The following SLC4A5 variants were observed in gnomAD, a reference collection of about 807,000 sequenced individuals.
SLC4A5 encodes solute carrier family 4 member 5.
A neutral mutation model predicts 120.4 loss-of-function variants in SLC4A5; 96 were observed. That is an observed-to-expected ratio of 0.80 (90% CI 0.68 to 0.94). SLC4A5 has a LOEUF of 0.94. Among genes scored for constraint, SLC4A5 ranks in the 40% least tolerant of loss-of-function variants. SLC4A5 has a pLI of 0.00. For missense variants in SLC4A5, 1,259 were observed against 1,459.5 expected (o/e 0.86, Z 2.24); for synonymous variants, 550 against 571.1 (o/e 0.96, Z 0.53).
intron 25 of SLC4A5, among the ~76,000 whole-genome samples, chr2:74,230,765 A>T (rs1670050215): frequency 6.6e-6 from 1 of 152,128 alleles, no homozygotes; most frequent in Non-Finnish European, 1.5e-5. Context: ...GTGTGGAAAC[A>T]TTGCTTTGGC....
At position 74,227,498 on chromosome 2, in the gene SLC4A5, G is replaced by A. The variant is rs202011869; in HGVS notation, c.2916+312C>T. On this transcript the variant is annotated intron_variant, in intron 26 of 30. Coordinates refer to ENST00000394019, the Ensembl canonical transcript of SLC4A5. The stretch of plus-strand genomic sequence containing the variant: ...ATAGCTGCCTTAGGGAAGAGAGAGA[G>A]GTACAGTGAAATGCTCACTGGAGTC... 139 of 1,607,802 alleles carry A rather than the reference G, an allele frequency of 8.6e-5. 2 individuals carry two copies. The African/African-American group carries it at 1.5e-3, about 18-fold the overall frequency.
Position 74,335,241 on chromosome 2 carries a change from G to A in SLC4A5, c.-220-1064C>T, listed in dbSNP as rs1426422730. On this transcript the variant is annotated intron_variant, in intron 3 of 30. Coordinates refer to ENST00000394019, the Ensembl canonical transcript of SLC4A5. ...AAGAATGAGACATTGCTGGATGACA[G>A]TCTCTCTACTTAAGCAAGCTAGAGC... Among the ~76,000 whole-genome samples the A allele has an allele frequency of 2.0e-5, 3 of 152,338 alleles. No homozygotes were observed. The East Asian group carries it at 5.8e-4, about 29-fold the overall frequency.
At chr2:74,331,227 A>C (rs1267146530) in intron 4 of SLC4A5, among the ~76,000 whole-genome samples, 1 of 141,054 alleles carries the variant, frequency 7.1e-6, no homozygotes, top group East Asian at 2.2e-4. Context: ...GGTATAGGTG[A>C]GGGTGGTGAG....
At chr2:74,241,753 A>T (rs1416536583) in intron 20 of SLC4A5, among the ~76,000 whole-genome samples, 7 of 151,466 alleles carry the variant, frequency 4.6e-5, no homozygotes. Flanking sequence ...AAAAAAAAAA[A>T]AAAACGCACA....
rs1384629056 is a variant in SLC4A5, at chr2:74,304,567, G to C, written c.193C>G (p.Gln65Glu). 1.2e-5 allele frequency: 19 copies of C among 1,614,060 alleles called. No homozygotes were observed. In the African/African-American group the frequency reaches 1.5e-4, roughly 12 times the overall value. Residue 65 changes from glutamine to glutamate, a missense_variant, in exon 7 of 31, where the codon CAG becomes GAG. By Grantham distance (29) the Gln-to-Glu change is conservative. Coordinates refer to ENST00000394019, the Ensembl canonical transcript of SLC4A5. ...GGGCCAGTCAGTTCCTGCTGTGGCT[G>C]GTCTGGCCGCAGGCCCCAGTGGACT...
At chr2:74,264,489 C>CGTGTGTGTGTGTGTGTGT (rs59538523) in intron 9 of SLC4A5, among the ~76,000 whole-genome samples, 190 bp from the exon 10 acceptor site, 1,636 of 143,710 alleles carry the variant, frequency 0.011, 42 homozygotes, top group East Asian at 0.078. Flanking sequence ...TTCAAGGGCA[C>CGTGTGTGTGTGTGTGTGT]GTGTGTGTGT....
At chr2:74,233,660 A>C in intron 22 of SLC4A5, 97 bp from the exon 23 acceptor site, 3 of 1,385,686 alleles carry the variant, frequency 2.2e-6, no homozygotes, top group Non-Finnish European at 2.9e-6. Context: ...ACTTTCCCTG[A>C]CTTTGGGTAC....
chr2:74,291,983 C>T (rs1672186298), intron 7 of SLC4A5, among the ~76,000 whole-genome samples: 1 of 151,376 alleles, frequency 6.6e-6, no homozygotes, highest in Non-Finnish European at 1.5e-5. Flanking sequence ...CCTCTTTATT[C>T]ATGTGGTGTT....
intron 23 of SLC4A5, 143 bp downstream of exon 23, chr2:74,233,259 C>T: frequency 3.0e-6 from 3 of 994,630 alleles, no homozygotes; most frequent in Non-Finnish European, 4.5e-6. Flanking sequence ...ATTTCCCCCT[C>T]AACACACCAA....
At chr2:74,279,983 T>A (rs893134649) in intron 8 of SLC4A5, among the ~76,000 whole-genome samples, 1 of 152,158 alleles carries the variant, frequency 6.6e-6, no homozygotes, top group Non-Finnish European at 1.5e-5. Flanking sequence ...TGCCCCCTTT[T>A]ATCCATTCTC....
rs773637676 is a variant in SLC4A5 at position 74,255,841 on chromosome 2, A to C, written c.959T>G (p.Ile320Ser). 3.1e-6 allele frequency: 5 copies of C among 1,614,142 alleles called. No individual in the cohort carries two copies. Among genetic ancestry groups the C allele is most frequent in the Non-Finnish European group, 4.2e-6 (5 of 1,180,028 alleles). ...CGACTGGATGAGGCGCACGAACGCG[A>C]TGAATGGCTGGTCTAGGAAGTCCAC... Residue 320 changes from isoleucine (I) to serine (S), a missense_variant, in exon 13 of 31, where the codon ATC becomes AGC. Transcript: ENST00000394019. The surrounding 1 kb of genome is among the most constrained non-coding windows in gnomAD (Gnocchi z 4.0).
chr2:74,314,962 C>T (rs1244749480), exon 6 of SLC4A5: 2 of 1,560,588 alleles, frequency 1.3e-6, no homozygotes, highest in South Asian at 2.2e-5. Flanking sequence ...ATCCGGAAAT[C>T]TCCTCCTGTG....
At chr2:74,301,804 C>T (rs979181261) in intron 7 of SLC4A5, among the ~76,000 whole-genome samples, 2 of 152,178 alleles carry the variant, frequency 1.3e-5, no homozygotes, top group Admixed American at 1.3e-4. Context: ...ACTCAATGCC[C>T]ATGGGCTGCA....
At chr2:74,323,753 A>G (rs188009952) in intron 5 of SLC4A5, among the ~76,000 whole-genome samples, 2 of 152,356 alleles carry the variant, frequency 1.3e-5, no homozygotes, top group African/African-American at 4.8e-5. Context: ...ATAAACACTG[A>G]TTTTTGAATG....
At chr2:74,304,783 T>C (rs1672589334) in intron 6 of SLC4A5, 103 bp from the exon 7 acceptor site, 6 of 1,141,058 alleles carry the variant, frequency 5.3e-6, no homozygotes, top group Non-Finnish European at 7.4e-6. Context: ...AGAAGCAAAA[T>C]GGAAGACATG....
At chr2:74,312,219 A>G (rs1036899593) in intron 6 of SLC4A5, among the ~76,000 whole-genome samples, 2 of 150,852 alleles carry the variant, frequency 1.3e-5, no homozygotes, top group African/African-American at 4.9e-5. Flanking sequence ...CTATCTATCT[A>G]TATCTCTATA....
intron 7 of SLC4A5, among the ~76,000 whole-genome samples, chr2:74,287,772 T>C (rs956689436): frequency 7.9e-5 from 12 of 152,162 alleles, no homozygotes; most frequent in African/African-American, 2.9e-4. Context: ...CTCTTTCAGA[T>C]CCTTATTTCA....
At chr2:74,341,878 G>A (rs1167898701) in intron 2 of SLC4A5, among the ~76,000 whole-genome samples, 3 of 152,152 alleles carry the variant, frequency 2.0e-5, no homozygotes, top group African/African-American at 4.8e-5. Flanking sequence ...GGGGGACTCC[G>A]CCCAACCCAG....
intron 27 of SLC4A5, among the ~76,000 whole-genome samples, chr2:74,226,034 G>A (rs879861): frequency 0.02 from 3,084 of 152,218 alleles, 45 homozygotes; most frequent in Non-Finnish European, 0.031. Context: ...TGAGGGCACT[G>A]GGGGGAGGAT....
Sources: allele counts gnomAD v4.1 joint callset (sites outside exome capture counted in the v4.1 genomes callset), GRCh38; gene constraint gnomAD v4.1.1; non-coding constraint Gnocchi (gnomAD v3.1); transcripts MANE v1.5; gene names NCBI Gene and HGNC (gene_info 2026-07-23, HGNC 2026-07-21).